The following GRID1 variants were observed in gnomAD, a reference collection of about 807,000 sequenced individuals.
GRID1 encodes glutamate receptor ionotropic, delta-1.
A neutral mutation model predicts 98.0 loss-of-function variants in GRID1; 28 were observed. That is an observed-to-expected ratio of 0.29 (90% CI 0.21 to 0.39). GRID1 has a LOEUF of 0.39. Ranked by LOEUF, GRID1 falls within the 10% of genes least tolerant of loss-of-function variation. The probability of loss-of-function intolerance (pLI) is 1.00; values close to 1 mark genes in which losing one functional copy is unlikely to be tolerated. For synonymous variants in GRID1, 553 were observed against 538.5 expected (o/e 1.03, Z -0.37); for missense variants, 1,111 against 1,340.5 (o/e 0.83, Z 2.67).
At chr10:85,634,229 T>G (rs1590168221) in intron 13 of GRID1, among the ~76,000 whole-genome samples, 1 of 141,486 alleles carries the variant, frequency 7.1e-6, no homozygotes, top group African/African-American at 2.6e-5. Context: ...GGGGAATTCC[T>G]GCACAGCCCT....
In GRID1 at chr10:85,699,300, C is replaced by T. The variant is rs767337218; in HGVS notation, c.1997+23703G>A. Among the ~76,000 whole-genome samples the T allele has an allele frequency of 2.8e-4, 43 of 152,216 alleles. 1 individual carries two copies. The highest frequency in any genetic ancestry group is 7.5e-4 in the African/African-American group (31 of 41,546). On this transcript the variant is annotated intron_variant, in intron 12 of 15. Coordinates refer to ENST00000327946, the MANE Select transcript of GRID1 (RefSeq NM_017551.3). ...AGCTCCTGACCTTAGGTGATCCTCC[C>T]GCCTCGGCCTCCTAAAGTGTTGGGA...
At chr10:86,017,538 C>T (rs1842994886) in intron 4 of GRID1, among the ~76,000 whole-genome samples, 1 of 152,210 alleles carries the variant, frequency 6.6e-6, no homozygotes, top group South Asian at 2.1e-4. Flanking sequence ...CTCCAGCCAC[C>T]TTCCCCAAAA....
chr10:86,263,931 TTTTGCAGAGGA>T (rs1198692671), intron 2 of GRID1, among the ~76,000 whole-genome samples: 1 of 152,142 alleles, frequency 6.6e-6, no homozygotes, highest in Non-Finnish European at 1.5e-5. Flanking sequence ...TTGGCTCACA[TTTTGCAGAGGA>T]GCAAACAGAA....
intron 12 of GRID1, among the ~76,000 whole-genome samples, chr10:85,722,127 T>C (rs1051709376): frequency 2.6e-5 from 4 of 152,178 alleles, no homozygotes; most frequent in Admixed American, 6.5e-5. Context: ...CTCTTTTCAA[T>C]AGCTAGTTGA....
chr10:85,649,261 T>C (rs1843235060), intron 12 of GRID1, among the ~76,000 whole-genome samples: 1 of 152,196 alleles, frequency 6.6e-6, no homozygotes, highest in African/African-American at 2.4e-5. Flanking sequence ...CGGAGACACA[T>C]GCCACAGCAC....
At chr10:86,148,201 A>G (rs1485693832) in intron 3 of GRID1, among the ~76,000 whole-genome samples, 2 of 152,332 alleles carry the variant, frequency 1.3e-5, no homozygotes, top group African/African-American at 4.8e-5. Flanking sequence ...GCAATAGCCA[A>G]GACAGGGAAT....
At chr10:86,076,361 G>A (rs1843880715) in intron 4 of GRID1, among the ~76,000 whole-genome samples, 1 of 152,178 alleles carries the variant, frequency 6.6e-6, no homozygotes, top group African/African-American at 2.4e-5. Context: ...GTGGAAGTCG[G>A]TCATGAATCA....
chr10:85,950,228 G>C (rs7475951), intron 4 of GRID1, among the ~76,000 whole-genome samples: 34,517 of 152,124 alleles, frequency 0.23, 4,000 homozygotes, highest in South Asian at 0.35. Context: ...ATTAAGCCCA[G>C]AGCAGTGCAC....
chr10:85,768,778 A>C (rs1842223757), intron 8 of GRID1, among the ~76,000 whole-genome samples: 1 of 152,272 alleles, frequency 6.6e-6, no homozygotes, highest in Non-Finnish European at 1.5e-5. Context: ...ACCCCAATGC[A>C]TTGTTGACAG....
At chr10:86,209,754 C>T (rs1210208746) in intron 2 of GRID1, among the ~76,000 whole-genome samples, 1 of 152,132 alleles carries the variant, frequency 6.6e-6, no homozygotes, top group Non-Finnish European at 1.5e-5. Context: ...ATTGTCCCAT[C>T]CCAGGACTCC....
intron 2 of GRID1, among the ~76,000 whole-genome samples, chr10:86,245,245 C>T (rs1324185134): frequency 2.0e-5 from 3 of 152,204 alleles, no homozygotes; most frequent in African/African-American, 7.2e-5. Flanking sequence ...TACCCGCCTG[C>T]TTCTCCCAGA....
intron 4 of GRID1, among the ~76,000 whole-genome samples, chr10:86,075,889 C>T (rs935701062): frequency 1.3e-5 from 2 of 152,226 alleles, no homozygotes; most frequent in African/African-American, 4.8e-5. Context: ...TACCACTGGG[C>T]CTCCCCAGCA....
At chr10:85,618,789 A>G (rs1842821885) in intron 14 of GRID1, among the ~76,000 whole-genome samples, 1 of 152,190 alleles carries the variant, frequency 6.6e-6, no homozygotes, top group African/African-American at 2.4e-5. Context: ...CCACATGGGC[A>G]TAGCACTAGG....
intron 2 of GRID1, among the ~76,000 whole-genome samples, chr10:86,358,561 A>T (rs1054509600): frequency 6.6e-6 from 1 of 151,998 alleles, no homozygotes; most frequent in Non-Finnish European, 1.5e-5. Context: ...GATTGAGACC[A>T]TCCTGGCTAA....
intron 2 of GRID1, among the ~76,000 whole-genome samples, chr10:86,285,276 C>T (rs186253439): frequency 2.6e-5 from 4 of 152,328 alleles, no homozygotes; most frequent in East Asian, 1.9e-4. Context: ...CCCTCTCCCG[C>T]CTCTGTCTCA....
At chr10:86,357,575 T>C (rs1249110459) in intron 2 of GRID1, among the ~76,000 whole-genome samples, 3 of 152,236 alleles carry the variant, frequency 2.0e-5, no homozygotes, top group African/African-American at 7.2e-5. Flanking sequence ...CATGCATATG[T>C]GCACGTGTGT....
chr10:86,041,158 C>A (rs1843339682), intron 4 of GRID1, among the ~76,000 whole-genome samples: 1 of 152,200 alleles, frequency 6.6e-6, no homozygotes, highest in African/African-American at 2.4e-5. Context: ...TTCATCCACA[C>A]GGAGACCTCC....
At chr10:86,040,163 G>C (rs550058657) in intron 4 of GRID1, among the ~76,000 whole-genome samples, 5 of 151,552 alleles carry the variant, frequency 3.3e-5, no homozygotes, top group African/African-American at 4.9e-5. Context: ...AATGAGTATA[G>C]TCATCATGAA....
intron 2 of GRID1, among the ~76,000 whole-genome samples, chr10:86,223,771 T>G (rs1198873938): frequency 3.3e-5 from 5 of 152,218 alleles, no homozygotes; most frequent in African/African-American, 1.2e-4. Flanking sequence ...AAGTGACAAC[T>G]GCATGCTGTG....
Sources: gnomAD v4.1 joint callset for allele counts (sites outside exome capture counted in the v4.1 genomes callset) on GRCh38, gnomAD v4.1.1 for gene constraint, MANE v1.5 for transcripts, NCBI Gene and HGNC (gene_info 2026-07-23, HGNC 2026-07-21) for gene names.